The following JAML variants were observed in gnomAD, a reference collection of about 807,000 sequenced individuals.
JAML encodes junction adhesion molecule like.
In JAML, 25 loss-of-function variants were observed where a neutral mutation model predicts 39.3. The ratio of observed to expected loss-of-function variants is 0.64; its 90% CI spans 0.46 to 0.89. The LOEUF (loss-of-function observed/expected upper bound fraction) is 0.89. Among genes scored for constraint, JAML ranks in the 40% least tolerant of loss-of-function variants. The pLI, the probability that JAML is intolerant of heterozygous loss-of-function variation, is 0.00. For missense variants in JAML, 440 were observed against 486.9 expected, an observed-to-expected ratio of 0.90 and a Z score of 0.91; for synonymous variants, 162 against 179.2, an observed-to-expected ratio of 0.90 and a Z score of 0.77.
chr11:118,200,847 C>T, intron 6 of JAML: 1 of 435,758 alleles, frequency 2.3e-6, no homozygotes, highest in Non-Finnish European at 4.2e-6. Flanking sequence ...GCTAGCAGTT[C>T]ACCTCTAGTA....
chr11:118,222,279 A>T lies in JAML; in HGVS notation c.-21+2662T>A, dbSNP rs559386411. ...AAAAAAAAATACAAAAATTAGCTGG[A>T]TGTAGTGGCAGGCACCTGTAGTCCT... On this transcript the variant is annotated intron_variant, in intron 1 of 9. Transcript: ENST00000356289. The surrounding 1 kb of genome is among the most constrained non-coding windows in gnomAD (Gnocchi z 4.2). 6.6e-6 allele frequency among the ~76,000 whole-genome samples: 1 copy of T among 152,202 alleles called. No homozygotes were observed. Among genetic ancestry groups the T allele is most frequent in the South Asian group, 2.1e-4 (1 of 4,822 alleles).
chr11:118,222,366 G>A lies in JAML; in HGVS notation c.-21+2575C>T, dbSNP rs1457946627. On this transcript the variant is annotated intron_variant, in intron 1 of 9. Transcript: ENST00000356289. This position sits in a 1 kb window ranked among gnomAD's most constrained non-coding sequence, Gnocchi z 4.2. ...GCCCAGGAGGCTGAGGCTGCAGCGAGTTGTGATCGCACCACTGCATTCCAA... is the reference window on the plus strand; with the variant it reads ...GCCCAGGAGGCTGAGGCTGCAGCGAATTGTGATCGCACCACTGCATTCCAA... Among the ~76,000 whole-genome samples, 2 of 152,106 alleles carry A rather than the reference G, an allele frequency of 1.3e-5. No individual in the cohort carries two copies. The highest frequency in any genetic ancestry group is 4.8e-5 in the African/African-American group (2 of 41,416).
chr11:118,200,943 C>A (rs1257339279), intron 6 of JAML: 2 of 234,776 alleles, frequency 8.5e-6, no homozygotes, highest in Non-Finnish European at 1.7e-5. Context: ...GGCTGCTGAT[C>A]TTCCTTAGGG....
intron 5 of JAML, 69 bp from the exon 6 acceptor site, chr11:118,203,734 G>A: frequency 7.4e-7 from 1 of 1,343,978 alleles, no homozygotes; most frequent in Non-Finnish European, 1.1e-6. Flanking sequence ...AGAAAATGGG[G>A]GAGGGAAGAT....
intron 2 of JAML, among the ~76,000 whole-genome samples, chr11:118,213,971 TAC>T (rs1315886310): frequency 6.6e-6 from 1 of 152,216 alleles, no homozygotes; most frequent in Admixed American, 6.5e-5. Context: ...TGCATGTTTG[TAC>T]ACACTCTGGA....
intron 7 of JAML, 53 bp downstream of exon 7, chr11:118,200,421 G>A: frequency 6.2e-7 from 1 of 1,603,740 alleles, no homozygotes; most frequent in Non-Finnish European, 8.5e-7. Context: ...TTGGGGTAGA[G>A]GCAGCCTTGC....
At chr11:118,216,871 AC>A (rs1949149585) in intron 1 of JAML, among the ~76,000 whole-genome samples, 1 of 152,090 alleles carries the variant, frequency 6.6e-6, no homozygotes, top group Non-Finnish European at 1.5e-5. Flanking sequence ...CATAAGCAAA[AC>A]CCCATTCCTG....
chr11:118,199,690 ATTATTTTTT>A (rs1207763632), intron 7 of JAML, among the ~76,000 whole-genome samples: 15 of 80,672 alleles, frequency 1.9e-4, no homozygotes, highest in African/African-American at 5.5e-4. Flanking sequence ...TATTATTATT[ATTATTTTTT>A]TTTTTTTTTT....
At chr11:118,211,171 C>CCGG (rs1949052299) in intron 3 of JAML, among the ~76,000 whole-genome samples, 1 of 152,236 alleles carries the variant, frequency 6.6e-6, no homozygotes, top group Non-Finnish European at 1.5e-5. Flanking sequence ...TACCCTCCTC[C>CCGG]CGGCAGCAGT....
Position 118,200,587 on chromosome 11 carries a change from C to A in JAML, c.798G>T (p.Arg266Ser), listed in dbSNP as rs1219298154. The change falls in exon 7 of 10, where the codon AGG becomes AGT. Residue 266 changes from arginine (R) to serine (S), a missense_variant. Arg to Ser is a moderately radical substitution (Grantham distance 110). Coordinates refer to ENST00000356289, the MANE Select transcript of JAML (RefSeq NM_001098526.2). ...ACTGATTACCACCCAAGACCAGAGG[C>A]CTCAGGGCTGCCGGGGTCACCAGTG... ...PRTLVTPAAL[R>S]PLVLGGNQLV... 1 of 1,614,008 alleles carries A rather than the reference C, an allele frequency of 6.2e-7. No homozygotes were observed. Among genetic ancestry groups the A allele is most frequent in the Non-Finnish European group, 8.5e-7 (1 of 1,180,018 alleles).
intron 8 of JAML, 106 bp from the exon 9 acceptor site, chr11:118,196,927 C>G: frequency 1.1e-6 from 1 of 870,756 alleles, no homozygotes. Context: ...ACCCAAACTG[C>G]TGGTTCAGAG....
intron 6 of JAML, chr11:118,203,013 T>C (rs1393521663): frequency 2.2e-6 from 1 of 459,352 alleles, no homozygotes; most frequent in African/African-American, 2.0e-5. Context: ...CCTGGCTGTC[T>C]CTCACTAGCT....
At chr11:118,213,637 G>A (rs1330136033) in intron 2 of JAML, among the ~76,000 whole-genome samples, 4 of 152,228 alleles carry the variant, frequency 2.6e-5, no homozygotes, top group Non-Finnish European at 4.4e-5. Context: ...AGAATTAAAT[G>A]AAGGACTGCT....
chr11:118,200,107 T>A (rs1330662176), intron 7 of JAML, among the ~76,000 whole-genome samples: 2 of 152,154 alleles, frequency 1.3e-5, no homozygotes, highest in Non-Finnish European at 2.9e-5. Context: ...ACCCTTAAGA[T>A]CTTAGCTTCT....
intron 6 of JAML, chr11:118,203,154 G>A (rs1948845052): frequency 2.0e-5 from 12 of 594,618 alleles, no homozygotes; most frequent in South Asian, 1.5e-4. Flanking sequence ...CCCTGGCAAT[G>A]AGTGGGGTCT....
chr11:118,210,492 G>T lies in JAML; in HGVS notation c.419C>A (p.Pro140His). ...AVVLHVLPEE[P>H]KELMVHVGGL... ...TTAAGTAAGCATTTGCGTACCTTTG[G>T]GCTCCTCTGGAAGCACATGCAGTAC... Residue 140 changes from proline to histidine, a missense_variant, in exon 4 of 10, where the codon CCC becomes CAC. Pro to His is a moderately conservative substitution (Grantham distance 77). Coordinates refer to ENST00000356289, the MANE Select transcript of JAML (RefSeq NM_001098526.2). 6.2e-7 allele frequency: 1 copy of T among 1,613,660 alleles called. No individual in the cohort carries two copies. The highest frequency in any genetic ancestry group is 8.5e-7 in the Non-Finnish European group (1 of 1,179,948).
chr11:118,212,715 C>T (rs952759049), intron 2 of JAML, 154 bp from the exon 3 acceptor site: 3 of 1,507,324 alleles, frequency 2.0e-6, no homozygotes, highest in African/African-American at 1.4e-5. Flanking sequence ...GCATGGCATC[C>T]CTGTCCTCTA....
In JAML at chr11:118,205,751, G is replaced by A. The variant is rs528583519; in HGVS notation, c.534+131C>T. 27 of 729,414 alleles carry A rather than the reference G, an allele frequency of 3.7e-5. No individual in the cohort carries two copies. In the African/African-American group the frequency reaches 3.9e-4, roughly 10 times the overall value. 45.2% of individuals were successfully genotyped at this position (729,414 alleles called of 1,614,324 possible). On this transcript the variant is annotated intron_variant, in intron 5 of 9. Transcript: ENST00000356289. ...CCCACCAGAAAGCTGAAATTGCTAGGAGAAGGTCCAGTTCTGATAAGCACC... is the reference window on the plus strand; with the variant it reads ...CCCACCAGAAAGCTGAAATTGCTAGAAGAAGGTCCAGTTCTGATAAGCACC...
intron 3 of JAML, among the ~76,000 whole-genome samples, chr11:118,211,237 A>T (rs1382432582): frequency 6.6e-6 from 1 of 151,820 alleles, no homozygotes; most frequent in Non-Finnish European, 1.5e-5. Flanking sequence ...GGCCCTGGGG[A>T]ATTCTTTTGT....
Sources: gnomAD v4.1 joint callset for allele counts (sites outside exome capture counted in the v4.1 genomes callset) on GRCh38, gnomAD v4.1.1 for gene constraint, Gnocchi (gnomAD v3.1) non-coding constraint, MANE v1.5 for transcripts, NCBI Gene and HGNC (gene_info 2026-07-23, HGNC 2026-07-21) for gene names.